The following CSTF3 variants were observed in gnomAD, a reference collection of about 807,000 sequenced individuals.
CSTF3 encodes CF-1 77 kDa subunit.
A neutral mutation model predicts 105.8 loss-of-function variants in CSTF3; 29 were observed. The ratio of observed to expected loss-of-function variants is 0.27; its 90% CI spans 0.20 to 0.37. CSTF3 has a LOEUF of 0.37. CSTF3 is among the 10% of genes least tolerant of loss of function. CSTF3 has a pLI of 1.00. For missense variants in CSTF3, 357 were observed against 879.3 expected, an observed-to-expected ratio of 0.41 and a Z score of 7.51; for synonymous variants, 252 against 281.9, an observed-to-expected ratio of 0.89 and a Z score of 1.06.
In CSTF3 at chr11:33,146,623, T is replaced by TAAA. The variant is rs5790915; in HGVS notation, c.28-4640_28-4638dup. Among the ~76,000 whole-genome samples, 319 of 144,080 alleles carry TAAA rather than the reference T, an allele frequency of 2.2e-3. 2 individuals are homozygous for TAAA. The highest frequency in any genetic ancestry group is 5.8e-3 in the African/African-American group (225 of 39,078). 94.5% of individuals were successfully genotyped at this position (144,080 alleles called of 152,430 possible). On this transcript the variant is annotated intron_variant, in intron 1 of 20. Coordinates refer to ENST00000323959, the MANE Select transcript of CSTF3 (RefSeq NM_001326.3). ...ATAAATTATGGAATTTGTAGTCACT[T>TAAA]AAAAAAAAAAAAAGGCATGGCAGGT... is the stretch of plus-strand genomic sequence containing the variant.
intron 17 of CSTF3, among the ~76,000 whole-genome samples, chr11:33,089,152 G>A (rs1590260863): frequency 6.6e-6 from 1 of 151,984 alleles, no homozygotes; most frequent in East Asian, 1.9e-4. Flanking sequence ...TTTGAGGCCA[G>A]CCTGGGCAAC....
intron 3 of CSTF3, among the ~76,000 whole-genome samples, chr11:33,113,160 T>C (rs1292690112): frequency 2.6e-5 from 4 of 151,528 alleles, no homozygotes; most frequent in Non-Finnish European, 5.9e-5. Context: ...TGAGCAGAAA[T>C]CGCACCACAC....
rs373751924 is a variant in CSTF3, at chr11:33,085,818, T to A, written c.1891-45A>T. On this transcript the variant is annotated intron_variant, in intron 19 of 20. Coordinates refer to ENST00000323959, the MANE Select transcript of CSTF3 (RefSeq NM_001326.3). ...ATTTTAATCCCAGTAATCTGACAAG[T>A]TAAAGTAGTAGTAACTTTATACACA... is the stretch of plus-strand genomic sequence containing the variant. The A allele has an allele frequency of 5.0e-6, 8 of 1,594,510 alleles. No homozygotes were observed. The African/African-American group carries it at 1.1e-4, about 21-fold the overall frequency.
intron 10 of CSTF3, among the ~76,000 whole-genome samples, chr11:33,100,927 C>CA (rs1331558013): frequency 6.6e-6 from 1 of 152,134 alleles, no homozygotes; most frequent in Non-Finnish European, 1.5e-5. Flanking sequence ...CTGGCACTGA[C>CA]AGAGTAGTTT....
intron 3 of CSTF3, among the ~76,000 whole-genome samples, chr11:33,139,855 C>A (rs796864590): frequency 3.9e-5 from 6 of 152,046 alleles, no homozygotes; most frequent in African/African-American, 1.4e-4. Context: ...GTTATGTAGA[C>A]AACTTTCAGC....
At position 33,103,094 on chromosome 11, in the gene CSTF3, T is replaced by C. The variant is rs372359250; in HGVS notation, c.663+13A>G. On this transcript the variant is annotated intron_variant, in intron 9 of 20. Coordinates refer to ENST00000323959, the MANE Select transcript of CSTF3 (RefSeq NM_001326.3). ...CATAATAATCATTAAAATAGCCTGATGGAATTCCATACCTTTGCTACACGT... is the reference window on the plus strand; with the variant it reads ...CATAATAATCATTAAAATAGCCTGACGGAATTCCATACCTTTGCTACACGT... 1.3e-6 allele frequency: 2 copies of C among 1,505,988 alleles called. No homozygotes were observed. The highest frequency in any genetic ancestry group is 1.7e-4 in the Middle Eastern group (1 of 5,850). 93.3% of individuals were successfully genotyped at this position (1,505,988 alleles called of 1,614,324 possible).
intron 3 of CSTF3, among the ~76,000 whole-genome samples, chr11:33,119,667 A>G (rs895025416): frequency 6.6e-6 from 1 of 151,824 alleles, no homozygotes; most frequent in African/African-American, 2.4e-5. Flanking sequence ...TTTAGTTTTT[A>G]TCAATACTGC....
rs114838360 is a variant in CSTF3, at chr11:33,135,181, T to G, written c.225+6486A>C. ...TTTTCAAACCCAGGAATAAATTCAG[T>G]TAGTAAAAAAACGGTTACAGTTAAA... On this transcript the variant is annotated intron_variant, in intron 3 of 20. Coordinates refer to ENST00000323959, the MANE Select transcript of CSTF3 (RefSeq NM_001326.3). Among the ~76,000 whole-genome samples, 341 of 152,188 alleles carry G rather than the reference T, an allele frequency of 2.2e-3. 1 individual carries two copies. Among genetic ancestry groups the G allele is most frequent in the African/African-American group, 7.6e-3 (317 of 41,530 alleles).
intron 15 of CSTF3, 28 bp downstream of exon 15, chr11:33,096,278 A>G (rs752903851): frequency 2.5e-5 from 33 of 1,334,306 alleles, no homozygotes; most frequent in Non-Finnish European, 3.2e-5. Context: ...ATATTAAGTA[A>G]TCATTATAGA....
chr11:33,106,082 G>C lies in CSTF3; in HGVS notation c.357-18C>G, dbSNP rs1471532019. On this transcript the variant is annotated intron_variant, in intron 5 of 20. Coordinates refer to ENST00000323959, the MANE Select transcript of CSTF3 (RefSeq NM_001326.3). ...TTTTTTCTCTGAAATGAACATGAAA[G>C]ACGTGGTTTTTAAATTTTTTTGTTA... 1 of 1,602,892 alleles carries C rather than the reference G, an allele frequency of 6.2e-7. No homozygotes were observed. Among genetic ancestry groups the C allele is most frequent in the Non-Finnish European group, 8.5e-7 (1 of 1,172,358 alleles).
At position 33,161,361 on chromosome 11, in the gene CSTF3, G is replaced by T; in HGVS notation, c.-36C>A. 1 of 1,610,308 alleles carries T rather than the reference G, an allele frequency of 6.2e-7. No homozygotes were observed. ...GATTACAACGTGCGCACTGACCGTC[G>T]ATGGGAAGCTAGAAAAGAAAAATTA... On this transcript the variant is annotated 5_prime_UTR_variant, in exon 1 of 21. Coordinates refer to ENST00000323959, the MANE Select transcript of CSTF3 (RefSeq NM_001326.3).
chr11:33,111,975 C>A (rs182202337), intron 3 of CSTF3, among the ~76,000 whole-genome samples: 187 of 152,222 alleles, frequency 1.2e-3, no homozygotes, highest in African/African-American at 4.3e-3. Flanking sequence ...AATCATTGGC[C>A]AGGCACAGTG....
intron 6 of CSTF3, 36 bp from the exon 7 acceptor site, chr11:33,105,953 G>A (rs1054349620): frequency 6.3e-7 from 1 of 1,575,950 alleles, no homozygotes; most frequent in Non-Finnish European, 8.7e-7. Flanking sequence ...ATCTTTCTTG[G>A]TATTCTTACA....
At chr11:33,118,593 C>T (rs1046395459) in intron 3 of CSTF3, among the ~76,000 whole-genome samples, 7 of 151,744 alleles carry the variant, frequency 4.6e-5, no homozygotes, top group Non-Finnish European at 7.4e-5. Flanking sequence ...CTCTACCTCC[C>T]ATTAGGTCAT....
intron 10 of CSTF3, among the ~76,000 whole-genome samples, chr11:33,100,073 G>A (rs1855266004): frequency 6.6e-6 from 1 of 151,806 alleles, no homozygotes; most frequent in Non-Finnish European, 1.5e-5. Context: ...TAAAAATCTT[G>A]TGGCCAGGTG....
chr11:33,102,103 T>C, intron 10 of CSTF3, 74 bp downstream of exon 10: 3 of 1,246,386 alleles, frequency 2.4e-6, no homozygotes, highest in Non-Finnish European at 3.4e-6. Context: ...GTAAGAAAAT[T>C]TTAGTAACCT....
chr11:33,157,477 T>C (rs1849882592), intron 1 of CSTF3, among the ~76,000 whole-genome samples: 1 of 152,170 alleles, frequency 6.6e-6, no homozygotes, highest in Non-Finnish European at 1.5e-5. Context: ...TTTTTCACCA[T>C]TAAACTGGCA....
At chr11:33,095,710 A>T (rs919098104) in intron 15 of CSTF3, among the ~76,000 whole-genome samples, 71 of 150,408 alleles carry the variant, frequency 4.7e-4, no homozygotes, top group Middle Eastern at 3.4e-3. Context: ...AGTCCCAGCT[A>T]CTCCGGAGGC....
intron 3 of CSTF3, among the ~76,000 whole-genome samples, chr11:33,113,691 T>A (rs899216011): frequency 3.3e-5 from 5 of 152,216 alleles, no homozygotes; most frequent in African/African-American, 9.6e-5. Context: ...TCCTTTTTTT[T>A]AATAGAAGAG....
Sources: gnomAD v4.1 joint callset for allele counts (sites outside exome capture counted in the v4.1 genomes callset) on GRCh38, gnomAD v4.1.1 for gene constraint, MANE v1.5 for transcripts, NCBI Gene and HGNC (gene_info 2026-07-23, HGNC 2026-07-21) for gene names.